Variants in FRAS1 observed in about 807,000 individuals in gnomAD.
FRAS1 encodes the protein Fraser extracellular matrix complex subunit 1.
In FRAS1, 290 loss-of-function variants were observed where a neutral mutation model predicts 435.2. That is an observed-to-expected ratio of 0.67 (90% CI 0.61 to 0.73). The LOEUF is 0.73. Among genes scored for constraint, FRAS1 ranks in the 30% least tolerant of loss-of-function variants. FRAS1 has a pLI of 0.00. For synonymous variants in FRAS1, 1,800 were observed against 1,851.0 expected (o/e 0.97, Z 0.71); for missense variants, 4,860 against 5,001.5 (o/e 0.97, Z 0.85).
intron 2 of FRAS1, among the ~76,000 whole-genome samples, chr4:78,183,419 G>A (rs937951473): frequency 2.6e-5 from 4 of 152,152 alleles, no homozygotes; most frequent in African/African-American, 4.8e-5. Flanking sequence ...TTGTTTTGGC[G>A]TCCCCGGAAA....
intron 50 of FRAS1, among the ~76,000 whole-genome samples, chr4:78,467,426 G>A (rs2109848363): frequency 6.6e-6 from 1 of 152,252 alleles, no homozygotes; most frequent in East Asian, 1.9e-4. Context: ...TGGCTGAATA[G>A]TACTCCATTG....
intron 2 of FRAS1, among the ~76,000 whole-genome samples, chr4:78,146,834 T>C (rs887268664): frequency 9.2e-5 from 14 of 152,222 alleles, no homozygotes; most frequent in African/African-American, 3.4e-4. Flanking sequence ...CATTGATTTC[T>C]TGTATCACTT....
At chr4:78,280,724 G>T (rs1727293517) in intron 10 of FRAS1, among the ~76,000 whole-genome samples, 1 of 151,998 alleles carries the variant, frequency 6.6e-6, no homozygotes, top group Non-Finnish European at 1.5e-5. Context: ...GTAATCTTCG[G>T]CAAGTTACTT....
chr4:78,227,690 T>A (rs529917026), intron 2 of FRAS1, among the ~76,000 whole-genome samples: 23 of 152,294 alleles, frequency 1.5e-4, no homozygotes, highest in African/African-American at 5.3e-4. Context: ...CACAATAGAA[T>A]TGGCCTGGCA....
chr4:78,438,542 A>T, intron 38 of FRAS1, 28 bp from the exon 39 acceptor site: 1 of 1,613,074 alleles, frequency 6.2e-7, no homozygotes. Flanking sequence ...ATGTGCGTTC[A>T]TGTCCTGCCT....
chr4:78,111,990 A>C (rs1411823624), intron 2 of FRAS1, among the ~76,000 whole-genome samples: 2 of 152,154 alleles, frequency 1.3e-5, no homozygotes, highest in Non-Finnish European at 2.9e-5. Flanking sequence ...TGTATGTTTT[A>C]AAAAATCCAG....
chr4:78,332,265 C>T (rs1035247594), intron 18 of FRAS1, among the ~76,000 whole-genome samples: 2 of 152,106 alleles, frequency 1.3e-5, no homozygotes, highest in Non-Finnish European at 2.9e-5. Context: ...TTACTATCTC[C>T]AGGAATGTAG....
chr4:78,455,687 C>T (rs1199392803), intron 47 of FRAS1, among the ~76,000 whole-genome samples: 1 of 152,112 alleles, frequency 6.6e-6, no homozygotes, highest in Non-Finnish European at 1.5e-5. Context: ...TGTAGGGAGC[C>T]ATCTGCCTAT....
chr4:78,393,510 C>T lies in FRAS1; in HGVS notation c.3975+5809C>T, dbSNP rs147870838. On this transcript the variant is annotated intron_variant, in intron 29 of 73. Transcript: ENST00000512123. ...ATGAGTTTGGCTATTTCAGATTCCA[C>T]ATATAAGCAAGATCATGTAGTTACT... Among the ~76,000 whole-genome samples the T allele has an allele frequency of 2.9e-3, 437 of 152,194 alleles. 6 individuals are homozygous for T. Among genetic ancestry groups the T allele is most frequent in the Middle Eastern group, 0.014 (4 of 294 alleles).
intron 2 of FRAS1, among the ~76,000 whole-genome samples, chr4:78,117,257 C>T (rs955931943): frequency 5.9e-5 from 9 of 152,148 alleles, no homozygotes; most frequent in Non-Finnish European, 1.2e-4. Context: ...CTCTGGCTGC[C>T]CTTAACATTT....
chr4:78,224,058 G>A (rs1724167033), intron 2 of FRAS1, among the ~76,000 whole-genome samples: 1 of 152,196 alleles, frequency 6.6e-6, no homozygotes, highest in Non-Finnish European at 1.5e-5. Flanking sequence ...GATATTGAGA[G>A]TCAGGCTGCT....
rs61568957 is a variant in FRAS1 at position 78,489,968 on chromosome 4, C to CAAA, written c.8958+905_8958+907dup. Among the ~76,000 whole-genome samples the CAAA allele has an allele frequency of 8.1e-3, 753 of 92,588 alleles. 24 individuals carry two copies. The highest frequency in any genetic ancestry group is 0.025 in the African/African-American group (686 of 27,436). 60.7% of individuals were successfully genotyped at this position (92,588 alleles called of 152,430 possible). On this transcript the variant is annotated intron_variant, in intron 59 of 73. Transcript: ENST00000512123. ...ACTCACCACTAAAGCTAGTGGAAAA[C>CAAA]AAAAAAAAAAAAAAAAAAAGAAAAG... is the stretch of plus-strand genomic sequence containing the variant.
At chr4:78,077,197 A>AACACACACACACACACACAC (rs10535451) in intron 2 of FRAS1, among the ~76,000 whole-genome samples, 15 of 150,050 alleles carry the variant, frequency 1.0e-4, no homozygotes, top group African/African-American at 3.7e-4. Flanking sequence ...GACACACAGA[A>AACACACACACACACACACAC]ACACACACAC....
At chr4:78,535,327 C>T (rs975294142) in intron 71 of FRAS1, among the ~76,000 whole-genome samples, 2 of 152,204 alleles carry the variant, frequency 1.3e-5, no homozygotes, top group Non-Finnish European at 2.9e-5. Flanking sequence ...TACACTCCTA[C>T]TGTTCTGCGG....
At chr4:78,506,341 T>TA (rs1720840545) in intron 61 of FRAS1, among the ~76,000 whole-genome samples, 1 of 152,248 alleles carries the variant, frequency 6.6e-6, no homozygotes, top group South Asian at 2.1e-4. Flanking sequence ...TGTTCAGCTA[T>TA]GCCCTGCCCA....
chr4:78,449,267 G>A (rs2109834127), intron 44 of FRAS1, among the ~76,000 whole-genome samples: 1 of 152,278 alleles, frequency 6.6e-6, no homozygotes, highest in Non-Finnish European at 1.5e-5. Flanking sequence ...ACTTTCGTGT[G>A]CAGTAGGATG....
At chr4:78,173,962 G>A (rs796841262) in intron 2 of FRAS1, among the ~76,000 whole-genome samples, 15 of 152,340 alleles carry the variant, frequency 9.8e-5, no homozygotes, top group African/African-American at 3.4e-4. Context: ...GTTACTGTGT[G>A]CATTCAGCTT....
In FRAS1 at chr4:78,307,194, G is replaced by T. The variant is rs986152199; in HGVS notation, c.1535-872G>T. Among the ~76,000 whole-genome samples, 29 of 152,304 alleles carry T rather than the reference G, an allele frequency of 1.9e-4. 1 individual carries two copies. The highest frequency in any genetic ancestry group is 1.8e-3 in the Admixed American group (27 of 15,298). ...GGCTGCTCGGGGGTCAGAGGTCAGG[G>T]ACCCACTTGAGGAGGCAGTCTGCCA... On this transcript the variant is annotated intron_variant, in intron 14 of 73. Coordinates refer to ENST00000512123, the MANE Select transcript of FRAS1 (RefSeq NM_025074.7).
At chr4:78,462,896 A>G (rs1028348451) in intron 47 of FRAS1, among the ~76,000 whole-genome samples, 5 of 152,188 alleles carry the variant, frequency 3.3e-5, no homozygotes, top group Non-Finnish European at 7.4e-5. Flanking sequence ...GATTTTTTTT[A>G]ACTTCTTAAA....
Sources: allele counts gnomAD v4.1 joint callset (sites outside exome capture counted in the v4.1 genomes callset), GRCh38; gene constraint gnomAD v4.1.1; transcripts MANE v1.5; gene names NCBI Gene and HGNC (gene_info 2026-07-23, HGNC 2026-07-21).